Variants in FOXN2 observed in about 807,000 individuals in gnomAD.
The protein encoded by FOXN2 is forkhead box protein N2.
FOXN2 carries 19 observed loss-of-function variants against 41.2 expected under a neutral mutation model. That is an observed-to-expected ratio of 0.46 (90% CI 0.32 to 0.68). The LOEUF (loss-of-function observed/expected upper bound fraction) is 0.68, where lower values mean the gene tolerates loss of function less well. Ranked by LOEUF, FOXN2 falls within the 30% of genes least tolerant of loss-of-function variation. The probability of loss-of-function intolerance (pLI) is 0.03; values close to 1 mark genes in which losing one functional copy is unlikely to be tolerated. For missense variants in FOXN2, 587 were observed against 509.4 expected (o/e 1.15, Z -1.47); for synonymous variants, 195 against 176.8 (o/e 1.10, Z -0.82).
At chr2:48,367,735 T>C (rs964287031) in intron 5 of FOXN2, among the ~76,000 whole-genome samples, 1 of 152,270 alleles carries the variant, frequency 6.6e-6, no homozygotes, top group South Asian at 2.1e-4. Flanking sequence ...CTCATATGGC[T>C]AAAACTAGTG....
intron 1 of FOXN2, among the ~76,000 whole-genome samples, chr2:48,323,898 G>T (rs909157332): frequency 2.6e-5 from 4 of 151,984 alleles, no homozygotes; most frequent in Non-Finnish European, 4.4e-5. Context: ...GCTAATTTTT[G>T]TATATGGTGA....
chr2:48,328,253 A>T (rs538271295), intron 1 of FOXN2, among the ~76,000 whole-genome samples: 17 of 152,262 alleles, frequency 1.1e-4, no homozygotes, highest in African/African-American at 3.9e-4. Flanking sequence ...TTGTTTTTCA[A>T]GTGCAATGTA....
intron 1 of FOXN2, among the ~76,000 whole-genome samples, chr2:48,324,180 C>T (rs946082590): frequency 6.7e-6 from 1 of 148,890 alleles, no homozygotes; most frequent in Non-Finnish European, 1.5e-5. Context: ...ACGTGAATGA[C>T]AAATTGCTCA....
In FOXN2 at chr2:48,333,263, C is replaced by T. The variant is rs550334080; in HGVS notation, c.-15+4561C>T. On this transcript the variant is annotated intron_variant, in intron 2 of 6. Coordinates refer to ENST00000340553, the MANE Select transcript of FOXN2 (RefSeq NM_002158.4). ...TCTTCTGAATAGTATATCTCTTATA[C>T]ATCTCTTTCTCTACCTTTTATCTAC... Among the ~76,000 whole-genome samples the T allele has an allele frequency of 5.3e-5, 8 of 152,220 alleles. No homozygotes were observed. In the South Asian group the frequency reaches 1.7e-3, roughly 32 times the overall value.
At chr2:48,317,113 G>T (rs1249619806) in intron 1 of FOXN2, among the ~76,000 whole-genome samples, 1 of 152,116 alleles carries the variant, frequency 6.6e-6, no homozygotes, top group Non-Finnish European at 1.5e-5. Context: ...GCTCTCCTGA[G>T]ATCAGGAGTT....
chr2:48,369,811 C>G (rs78448237), intron 5 of FOXN2, among the ~76,000 whole-genome samples: 17,237 of 151,816 alleles, frequency 0.11, 1,399 homozygotes, highest in East Asian at 0.45. Flanking sequence ...GCTCAGGCAA[C>G]ACGGTAAAAC....
chr2:48,336,497 T>A (rs1385745482), intron 2 of FOXN2, among the ~76,000 whole-genome samples: 1 of 151,454 alleles, frequency 6.6e-6, no homozygotes, highest in African/African-American at 2.4e-5. Flanking sequence ...TAAAGATAAC[T>A]GGATTTTTAG....
At chr2:48,321,582 ATTTCATGAAAAT>A (rs544227614) in intron 1 of FOXN2, among the ~76,000 whole-genome samples, 1 of 151,816 alleles carries the variant, frequency 6.6e-6, no homozygotes, top group African/African-American at 2.4e-5. Flanking sequence ...TAAAAGTATT[ATTTCATGAAAAT>A]TTTAGTACAT....
intron 2 of FOXN2, among the ~76,000 whole-genome samples, chr2:48,343,761 TA>T (rs397974986): frequency 2.1e-3 from 298 of 143,754 alleles, no homozygotes; most frequent in East Asian, 6.5e-3. Context: ...CCTGTCTCTT[TA>T]AAAAAAAAAA....
intron 3 of FOXN2, among the ~76,000 whole-genome samples, chr2:48,358,554 A>G (rs954610650): frequency 2.6e-5 from 4 of 152,210 alleles, no homozygotes; most frequent in Non-Finnish European, 5.9e-5. Context: ...ATATTCAGAG[A>G]TAAAAGAGCG....
intron 4 of FOXN2, 131 bp from the exon 5 acceptor site, chr2:48,362,512 T>A (rs1438443765): frequency 2.8e-6 from 2 of 706,150 alleles, no homozygotes; most frequent in African/African-American, 1.8e-5. Flanking sequence ...AAGGCTGCAG[T>A]AGGCTGAAAT....
intron 1 of FOXN2, among the ~76,000 whole-genome samples, chr2:48,327,774 T>C (rs1402973924): frequency 6.6e-6 from 1 of 152,224 alleles, no homozygotes; most frequent in African/African-American, 2.4e-5. Context: ...ATTAATATCT[T>C]TAATAATTTT....
chr2:48,364,191 AAAGTC>A (rs1260787606), intron 5 of FOXN2, among the ~76,000 whole-genome samples: 2 of 152,202 alleles, frequency 1.3e-5, no homozygotes, highest in African/African-American at 4.8e-5. Flanking sequence ...AAGAGAAAGT[AAAGTC>A]ATTTATCCCA....
chr2:48,341,564 C>G (rs1456462577), intron 2 of FOXN2, among the ~76,000 whole-genome samples: 1 of 152,060 alleles, frequency 6.6e-6, no homozygotes, highest in East Asian at 1.9e-4. Flanking sequence ...TTAAAAAGAA[C>G]ATGAACACTG....
chr2:48,342,016 G>A (rs1446510334), intron 2 of FOXN2, among the ~76,000 whole-genome samples: 3 of 152,042 alleles, frequency 2.0e-5, no homozygotes, highest in African/African-American at 7.2e-5. Flanking sequence ...TGTGTGAAAT[G>A]GAAATACTAC....
intron 4 of FOXN2, among the ~76,000 whole-genome samples, chr2:48,359,622 C>T (rs72820429): frequency 0.28 from 42,439 of 149,368 alleles, 6,459 homozygotes; most frequent in Non-Finnish European, 0.34. Flanking sequence ...CTTTTCTTTT[C>T]TTTTTTTAAG....
chr2:48,326,036 A>T (rs1669651070), intron 1 of FOXN2, among the ~76,000 whole-genome samples: 1 of 151,874 alleles, frequency 6.6e-6, no homozygotes, highest in Non-Finnish European at 1.5e-5. Flanking sequence ...TTTAGTATAG[A>T]TGGGGTTTTT....
At chr2:48,357,172 A>C (rs1671847605) in intron 3 of FOXN2, among the ~76,000 whole-genome samples, 1 of 152,208 alleles carries the variant, frequency 6.6e-6, no homozygotes, top group Non-Finnish European at 1.5e-5. Flanking sequence ...CGTAAACCAG[A>C]CTGTTACTTG....
intron 2 of FOXN2, among the ~76,000 whole-genome samples, chr2:48,345,497 C>G (rs1671040571): frequency 2.0e-5 from 3 of 152,082 alleles, no homozygotes; most frequent in Admixed American, 2.0e-4. Flanking sequence ...TTAAAATGTT[C>G]TCACCACAAA....
Sources: gnomAD v4.1 joint callset for allele counts (sites outside exome capture counted in the v4.1 genomes callset) on GRCh38, gnomAD v4.1.1 for gene constraint, MANE v1.5 for transcripts, NCBI Gene and HGNC (gene_info 2026-07-23, HGNC 2026-07-21) for gene names.